ZNF618: variants seen among roughly 807,000 people sequenced by gnomAD.
ZNF618 encodes the protein neural precursor cell expressed, developmentally down-regulated 10.
ZNF618 carries 34 observed loss-of-function variants against 103.0 expected under a neutral mutation model. The ratio of observed to expected loss-of-function variants is 0.33; its 90% CI spans 0.25 to 0.44. The LOEUF (loss-of-function observed/expected upper bound fraction) is 0.44, where lower values mean the gene tolerates loss of function less well. ZNF618 is among the 20% of genes least tolerant of loss of function. The pLI is 1.00. For missense variants in ZNF618, 1,059 were observed against 1,295.4 expected (o/e 0.82, Z 2.80); for synonymous variants, 551 against 542.2 (o/e 1.02, Z -0.23).
chr9:113,981,459 G>A (rs1346146564), intron 2 of ZNF618, among the ~76,000 whole-genome samples: 1 of 152,198 alleles, frequency 6.6e-6, no homozygotes, highest in African/African-American at 2.4e-5. Flanking sequence ...TCTTGGGGTA[G>A]GCAGCCAGCC....
At chr9:113,995,403 A>G (rs930139844) in intron 3 of ZNF618, among the ~76,000 whole-genome samples, 9 of 152,212 alleles carry the variant, frequency 5.9e-5, no homozygotes, top group Admixed American at 5.9e-4. Flanking sequence ...TCTTAATGAA[A>G]TGGATAGGGC....
chr9:113,892,015 T>C (rs1829653737), intron 1 of ZNF618, among the ~76,000 whole-genome samples: 1 of 152,022 alleles, frequency 6.6e-6, no homozygotes, highest in Admixed American at 6.5e-5. Context: ...TAAGAGAAAT[T>C]GAAGTCAAAC....
chr9:113,953,246 G>A (rs1835937837), intron 1 of ZNF618, among the ~76,000 whole-genome samples: 1 of 152,216 alleles, frequency 6.6e-6, no homozygotes, highest in African/African-American at 2.4e-5. Context: ...TGTGTACCCA[G>A]GCCTATCCTC....
intron 1 of ZNF618, among the ~76,000 whole-genome samples, chr9:113,890,668 A>G (rs1829537370): frequency 6.6e-6 from 1 of 152,306 alleles, no homozygotes; most frequent in East Asian, 1.9e-4. Flanking sequence ...TTTATTCTAC[A>G]TGTAGACAGA....
intron 2 of ZNF618, among the ~76,000 whole-genome samples, chr9:113,980,700 G>A (rs1224798072): frequency 1.3e-5 from 2 of 152,210 alleles, no homozygotes; most frequent in East Asian, 3.8e-4. Flanking sequence ...GTGATGAAGA[G>A]GATTCAGCAC....
intron 1 of ZNF618, among the ~76,000 whole-genome samples, chr9:113,944,927 G>A (rs1536965): frequency 0.51 from 77,557 of 152,028 alleles, 20,458 homozygotes; most frequent in East Asian, 0.68. Flanking sequence ...GGACAGTGTG[G>A]CTGTAACAGA....
At position 113,988,329 on chromosome 9, in the gene ZNF618, T is replaced by C; in HGVS notation, c.86T>C (p.Leu29Ser). The stretch of plus-strand genomic sequence containing the variant: ...AGTTTCTTCTTTCCCAGGGAGCGCT[T>C]GAAGCGCAGCCAGAAGAGCACCAAG... Reference protein sequence around the residue: ...GRKSTASRERLKRSQKSTKVE... With the variant: ...GRKSTASRERSKRSQKSTKVE... Residue 29 changes from leucine to serine, a missense_variant, in exon 3 of 15, where the codon TTG (leucine) becomes TCG (serine). Physicochemically the swap from Leu to Ser is moderately radical, Grantham distance 145. Around this residue, in one of 6 missense-constraint regions of ZNF618, gnomAD observed 194 missense variants for 209.0 expected, o/e 0.93. Coordinates refer to ENST00000374126, the MANE Select transcript of ZNF618 (RefSeq NM_001318042.2). The C allele has an allele frequency of 1.2e-6, 2 of 1,611,762 alleles. No homozygotes were observed. Among genetic ancestry groups the C allele is most frequent in the Non-Finnish European group, 1.7e-6 (2 of 1,179,180 alleles).
intron 1 of ZNF618, among the ~76,000 whole-genome samples, chr9:113,885,096 G>C (rs1828938665): frequency 6.6e-6 from 1 of 152,164 alleles, no homozygotes; most frequent in African/African-American, 2.4e-5. Context: ...GGAGTGATCA[G>C]GTTTCAAAGG....
chr9:113,956,227 A>C (rs1165160718), intron 1 of ZNF618, among the ~76,000 whole-genome samples: 1 of 150,608 alleles, frequency 6.6e-6, no homozygotes, highest in African/African-American at 2.4e-5. Context: ...AAAAAAAAAA[A>C]AAAAAAAAAA....
intron 1 of ZNF618, among the ~76,000 whole-genome samples, chr9:113,962,930 A>C (rs1836999506): frequency 6.6e-6 from 1 of 152,246 alleles, no homozygotes; most frequent in Non-Finnish European, 1.5e-5. Flanking sequence ...GTATAGATAT[A>C]TCCCAACTGC....
intron 13 of ZNF618, 108 bp downstream of exon 13, chr9:114,036,485 A>G: frequency 8.4e-7 from 1 of 1,187,018 alleles, no homozygotes; most frequent in Non-Finnish European, 1.2e-6. Flanking sequence ...TCTTTCCTGG[A>G]AAATGGTCAC....
intron 2 of ZNF618, among the ~76,000 whole-genome samples, chr9:113,985,421 C>T (rs867615465): frequency 2.0e-5 from 3 of 152,330 alleles, no homozygotes; most frequent in Middle Eastern, 3.4e-3. Flanking sequence ...CCTCTTGTGA[C>T]GTGCTGGACC....
chr9:113,987,397 G>A (rs569941126), intron 2 of ZNF618, among the ~76,000 whole-genome samples: 8 of 152,238 alleles, frequency 5.3e-5, no homozygotes, highest in African/African-American at 1.7e-4. Context: ...AGTGACCCAC[G>A]CCCTGCCCTC....
At chr9:113,926,363 TTTTG>T (rs1326582000) in intron 1 of ZNF618, among the ~76,000 whole-genome samples, 1 of 152,060 alleles carries the variant, frequency 6.6e-6, no homozygotes, top group East Asian at 1.9e-4. Context: ...TTTTTTTGGT[TTTTG>T]TTCTGCTTGG....
In ZNF618 at chr9:114,032,683, C is replaced by A; in HGVS notation, c.1123C>A (p.Gln375Lys). 6.2e-7 allele frequency: 1 copy of A among 1,614,072 alleles called. No individual in the cohort carries two copies. Among genetic ancestry groups the A allele is most frequent in the Non-Finnish European group, 8.5e-7 (1 of 1,179,904 alleles). Reference sequence around the variant, plus strand: ...CAGTCGGAGAGTAGAAGGCAAAGCACAAAACCACTTTGAAGAGACGAACAG... The same window carrying A: ...CAGTCGGAGAGTAGAAGGCAAAGCAAAAAACCACTTTGAAGAGACGAACAG... ...AFSRRVEGKA[Q>K]NHFEETNSSS... The change falls in exon 12 of 15, where the codon CAA becomes AAA. Residue 375 changes from glutamine to lysine, a missense_variant. Gln to Lys is a moderately conservative substitution (Grantham distance 53). Transcript: ENST00000374126.
intron 1 of ZNF618, among the ~76,000 whole-genome samples, chr9:113,888,946 C>T (rs898953022): frequency 3.3e-5 from 5 of 152,148 alleles, no homozygotes; most frequent in Non-Finnish European, 5.9e-5. Context: ...AAGGTAAGGT[C>T]TGATTTAAGT....
chr9:113,910,032 C>T (rs1192083096), intron 1 of ZNF618, among the ~76,000 whole-genome samples: 1 of 152,174 alleles, frequency 6.6e-6, no homozygotes. Flanking sequence ...ATCTGCCCGC[C>T]TTGGCCTCCT....
intron 1 of ZNF618, among the ~76,000 whole-genome samples, chr9:113,916,365 G>A (rs992403621): frequency 3.3e-5 from 5 of 152,144 alleles, no homozygotes; most frequent in African/African-American, 1.2e-4. Flanking sequence ...TGCTGTTTGT[G>A]CCTTCGTGGT....
At chr9:114,005,971 A>C (rs1374902918) in intron 6 of ZNF618, among the ~76,000 whole-genome samples, 1 of 152,184 alleles carries the variant, frequency 6.6e-6, no homozygotes, top group Non-Finnish European at 1.5e-5. Context: ...CATCCTCAGA[A>C]TGTCTCCAAG....
Sources: gnomAD v4.1 joint callset for allele counts (sites outside exome capture counted in the v4.1 genomes callset) on GRCh38, gnomAD v4.1.1 for gene constraint, gnomAD v4.1.1 regional missense constraint, MANE v1.5 for transcripts, NCBI Gene and HGNC (gene_info 2026-07-23, HGNC 2026-07-21) for gene names.